The following DLG2 variants were observed in gnomAD, a reference collection of about 807,000 sequenced individuals.
The protein encoded by DLG2 is discs large MAGUK scaffold protein 2.
DLG2 carries 45 observed loss-of-function variants against 132.5 expected under a neutral mutation model. The ratio of observed to expected loss-of-function variants is 0.34; its 90% CI spans 0.27 to 0.44. The LOEUF is 0.44. Among genes scored for constraint, DLG2 ranks in the 20% least tolerant of loss-of-function variants. The pLI is 1.00. For missense variants in DLG2, 1,045 were observed against 1,196.9 expected (o/e 0.87, Z 1.87); for synonymous variants, 424 against 419.6 (o/e 1.01, Z -0.13).
rs1370772196 is a variant in DLG2, at chr11:85,095,680, C to A, written c.357+15981G>T. On this transcript the variant is annotated intron_variant, in intron 6 of 27. Transcript: ENST00000376104. ...AACTTAACTTTTTCAAAATAGATTT[C>A]ATTATCCTCCCACTACCATACCTAA... is the stretch of plus-strand genomic sequence containing the variant. Among the ~76,000 whole-genome samples, 6 of 152,294 alleles carry A rather than the reference C, an allele frequency of 3.9e-5. No homozygotes were observed. The East Asian group carries it at 1.2e-3, about 29-fold the overall frequency.
intron 19 of DLG2, among the ~76,000 whole-genome samples, chr11:83,576,231 G>A (rs893830301): frequency 1.2e-4 from 18 of 151,968 alleles, no homozygotes; most frequent in African/African-American, 2.7e-4. Context: ...CAAACTAACC[G>A]TGAAAAAATA....
chr11:83,934,688 C>T (rs538887615), intron 14 of DLG2, among the ~76,000 whole-genome samples: 29 of 152,274 alleles, frequency 1.9e-4, no homozygotes, highest in African/African-American at 7.0e-4. Context: ...GCTCTCAAAG[C>T]CTTCAGGCTG....
chr11:85,127,573 C>T lies in DLG2; in HGVS notation c.283-15838G>A, dbSNP rs1361754833. On this transcript the variant is annotated intron_variant, in intron 5 of 27. Transcript: ENST00000376104. ...CAGATTGCCTGTTGTATCCCCACAC[C>T]TTTCAACATGTCAAGTGCATAGTAA... Among the ~76,000 whole-genome samples, 6 of 152,112 alleles carry T rather than the reference C, an allele frequency of 3.9e-5. No homozygotes were observed. The East Asian group carries it at 1.2e-3, about 29-fold the overall frequency.
intron 3 of DLG2, among the ~76,000 whole-genome samples, chr11:85,403,763 G>T (rs577761937): frequency 6.6e-6 from 1 of 152,096 alleles, no homozygotes; most frequent in South Asian, 2.1e-4. Context: ...GCCTCTGGTA[G>T]ATATGTGAAA....
chr11:84,060,255 T>C (rs530211783), intron 10 of DLG2, among the ~76,000 whole-genome samples: 1 of 152,218 alleles, frequency 6.6e-6, no homozygotes, highest in South Asian at 2.1e-4. Flanking sequence ...GAGGTTGCAG[T>C]GAGCCGAGAT....
intron 6 of DLG2, among the ~76,000 whole-genome samples, chr11:84,913,300 T>C (rs2092240464): frequency 6.6e-6 from 1 of 152,194 alleles, no homozygotes; most frequent in Non-Finnish European, 1.5e-5. Flanking sequence ...GCATGAAGTA[T>C]GTATTTTTTC....
intron 3 of DLG2, among the ~76,000 whole-genome samples, chr11:85,588,042 A>T (rs1360497190): frequency 1.3e-5 from 2 of 152,196 alleles, no homozygotes; most frequent in Non-Finnish European, 2.9e-5. Context: ...CTTCTGGCTT[A>T]TAGGGTTTCT....
chr11:84,027,064 G>T (rs1213438809), intron 11 of DLG2, among the ~76,000 whole-genome samples: 2 of 152,006 alleles, frequency 1.3e-5, no homozygotes, highest in South Asian at 2.1e-4. Flanking sequence ...GTGCTAGGAG[G>T]TTCCCCAGCT....
intron 7 of DLG2, among the ~76,000 whole-genome samples, chr11:84,462,377 T>G (rs957368129): frequency 6.6e-6 from 1 of 151,036 alleles, no homozygotes; most frequent in Non-Finnish European, 1.5e-5. Context: ...AACAACTACC[T>G]AATAATGCAA....
chr11:84,055,927 C>T (rs34937596), intron 11 of DLG2, among the ~76,000 whole-genome samples: 2,173 of 152,206 alleles, frequency 0.014, 26 homozygotes, highest in Non-Finnish European at 0.025. Context: ...TGAAGGACTA[C>T]ATTAATGTAT....
chr11:84,342,773 C>G (rs1234017164), intron 7 of DLG2, among the ~76,000 whole-genome samples: 1 of 152,106 alleles, frequency 6.6e-6, no homozygotes, highest in Non-Finnish European at 1.5e-5. Flanking sequence ...TTTGGGAACA[C>G]CAACACCAAA....
chr11:85,593,802 T>G (rs868483736), intron 3 of DLG2, among the ~76,000 whole-genome samples: 1 of 151,864 alleles, frequency 6.6e-6, no homozygotes, highest in African/African-American at 2.4e-5. Flanking sequence ...ATATGTAGGG[T>G]TTTTTTTACT....
At chr11:84,740,691 T>G (rs1217363797) in intron 6 of DLG2, among the ~76,000 whole-genome samples, 2 of 152,140 alleles carry the variant, frequency 1.3e-5, no homozygotes, top group Non-Finnish European at 2.9e-5. Flanking sequence ...CAGAATCAAC[T>G]GTGACTGTCA....
chr11:85,046,113 T>G (rs1339563198), intron 6 of DLG2, among the ~76,000 whole-genome samples: 1 of 152,010 alleles, frequency 6.6e-6, no homozygotes, highest in Non-Finnish European at 1.5e-5. Context: ...CCTTTCTATT[T>G]CTTGGAAACT....
At chr11:84,740,040 C>G (rs577894680) in intron 6 of DLG2, among the ~76,000 whole-genome samples, 1 of 151,804 alleles carries the variant, frequency 6.6e-6, no homozygotes, top group South Asian at 2.1e-4. Context: ...TTTACCCTAA[C>G]GTTCAGAAAT....
At chr11:83,857,158 C>T (rs924060916) in intron 16 of DLG2, among the ~76,000 whole-genome samples, 1 of 152,032 alleles carries the variant, frequency 6.6e-6, no homozygotes, top group African/African-American at 2.4e-5. Context: ...TTTCTGGGTT[C>T]TCTATTCTGT....
At chr11:83,988,534 T>C (rs946668164) in intron 11 of DLG2, among the ~76,000 whole-genome samples, 2 of 152,228 alleles carry the variant, frequency 1.3e-5, no homozygotes, top group African/African-American at 4.8e-5. Context: ...TGATTCTTCC[T>C]ATCCATGAGC....
chr11:84,487,218 G>C (rs1461357051), intron 7 of DLG2, among the ~76,000 whole-genome samples: 1 of 151,884 alleles, frequency 6.6e-6, no homozygotes, highest in African/African-American at 2.4e-5. Flanking sequence ...TGTTTACTTG[G>C]TTCTAAATAT....
chr11:85,305,571 GGCGCGATCTCGGC>G (rs1055561127), intron 3 of DLG2, among the ~76,000 whole-genome samples: 23 of 152,224 alleles, frequency 1.5e-4, no homozygotes, highest in African/African-American at 5.1e-4. Flanking sequence ...GGAGTGCAGT[GGCGCGATCTCGGC>G]TCACTGCAAG....
Sources: gnomAD v4.1 joint callset for allele counts (sites outside exome capture counted in the v4.1 genomes callset) on GRCh38, gnomAD v4.1.1 for gene constraint, MANE v1.5 for transcripts, NCBI Gene and HGNC (gene_info 2026-07-23, HGNC 2026-07-21) for gene names.